The following TANC2 variants were observed in gnomAD, a reference collection of about 807,000 sequenced individuals.
TANC2 encodes protein TANC2.
A neutral mutation model predicts 210.5 loss-of-function variants in TANC2; 26 were observed. That is an observed-to-expected ratio of 0.12 (90% confidence interval 0.09 to 0.17). The LOEUF is 0.17. TANC2 is among the 10% of genes least tolerant of loss of function. The pLI, the probability that TANC2 is intolerant of heterozygous loss-of-function variation, is 1.00. For synonymous variants in TANC2, 931 were observed against 967.1 expected (o/e 0.96, Z 0.69); for missense variants, 2,129 against 2,608.9 (o/e 0.82, Z 4.01).
intron 3 of TANC2, among the ~76,000 whole-genome samples, chr17:63,074,658 G>A (rs1239232162): frequency 2.0e-5 from 3 of 152,050 alleles, no homozygotes; most frequent in Non-Finnish European, 4.4e-5. Context: ...TTCAAAACTA[G>A]AATGGATGTT....
intron 8 of TANC2, among the ~76,000 whole-genome samples, chr17:63,245,827 G>C (rs2042901299): frequency 6.7e-6 from 1 of 148,628 alleles, no homozygotes; most frequent in Non-Finnish European, 1.5e-5. Context: ...TGGGCAACAA[G>C]GCGGGACTCC....
At chr17:63,331,437 G>A (rs1179091003) in intron 11 of TANC2, among the ~76,000 whole-genome samples, 1 of 152,278 alleles carries the variant, frequency 6.6e-6, no homozygotes, top group African/African-American at 2.4e-5. Context: ...GTATGTTATT[G>A]TGCCCACGAA....
intron 2 of TANC2, among the ~76,000 whole-genome samples, chr17:63,046,454 C>T (rs2035388879): frequency 6.6e-6 from 1 of 150,964 alleles, no homozygotes; most frequent in Non-Finnish European, 1.5e-5. Flanking sequence ...GCTGCAGCCT[C>T]CCGAGTAGCT....
At chr17:63,247,160 G>T (rs889630202) in intron 8 of TANC2, among the ~76,000 whole-genome samples, 2 of 151,970 alleles carry the variant, frequency 1.3e-5, no homozygotes, top group African/African-American at 4.8e-5. Context: ...CGAACTTGTT[G>T]TATATTCTGG....
chr17:63,103,545 C>T (rs1171538663), intron 4 of TANC2, among the ~76,000 whole-genome samples: 1 of 152,166 alleles, frequency 6.6e-6, no homozygotes, highest in Non-Finnish European at 1.5e-5. Flanking sequence ...CGACTGTTTG[C>T]TTCTGTTTCT....
chr17:63,387,687 A>C (rs1355127383), intron 15 of TANC2, among the ~76,000 whole-genome samples: 2 of 152,198 alleles, frequency 1.3e-5, no homozygotes, highest in East Asian at 3.8e-4. Flanking sequence ...TATTGACAGA[A>C]GAGTAAGATG....
chr17:63,277,820 A>T (rs992582107), intron 9 of TANC2, among the ~76,000 whole-genome samples: 2 of 152,184 alleles, frequency 1.3e-5, no homozygotes, highest in East Asian at 1.9e-4. Flanking sequence ...CAAAGACTAA[A>T]ATTATTTCTA....
rs919873839 is a variant in TANC2 at position 63,078,327 on chromosome 17, T to C, written c.139+4313T>C. On this transcript the variant is annotated intron_variant, in intron 3 of 27. Coordinates refer to ENST00000689528, the Ensembl canonical transcript of TANC2. ...TTCTTTCTCACTGTCCTGATCATTTTGGACAAAGATTTGTCAGTTTTATAC... is the reference window on the plus strand; with the variant it reads ...TTCTTTCTCACTGTCCTGATCATTTCGGACAAAGATTTGTCAGTTTTATAC... Among the ~76,000 whole-genome samples the C allele has an allele frequency of 3.3e-5, 5 of 152,176 alleles. No individual in the cohort carries two copies. In the South Asian group the frequency reaches 1.0e-3, roughly 31 times the overall value.
chr17:63,003,218 G>A (rs1471903614), intron 1 of TANC2, among the ~76,000 whole-genome samples: 1 of 152,114 alleles, frequency 6.6e-6, no homozygotes, highest in Non-Finnish European at 1.5e-5. Flanking sequence ...ATATAATGTT[G>A]AGCCCTTATA....
intron 1 of TANC2, among the ~76,000 whole-genome samples, chr17:62,973,577 T>C (rs761506067): frequency 6.6e-6 from 1 of 152,166 alleles, no homozygotes; most frequent in Non-Finnish European, 1.5e-5. Context: ...ATACACACCA[T>C]CTAAAATATT....
Position 63,060,086 on chromosome 17 carries a change from C to T in TANC2, c.68-13857C>T, listed in dbSNP as rs1418350692. 3.9e-5 allele frequency among the ~76,000 whole-genome samples: 6 copies of T among 152,312 alleles called. No individual in the cohort carries two copies. The East Asian group carries it at 1.2e-3, about 29-fold the overall frequency. On this transcript the variant is annotated intron_variant, in intron 2 of 27. Coordinates refer to ENST00000689528, the Ensembl canonical transcript of TANC2. ...GTACTACCTTCATAGCTCCTTTCTT[C>T]CACACTGAGAAATCTGGTTCGTAAG...
At chr17:63,298,142 T>C (rs1004144303) in intron 9 of TANC2, among the ~76,000 whole-genome samples, 2 of 152,194 alleles carry the variant, frequency 1.3e-5, no homozygotes, top group Non-Finnish European at 2.9e-5. Flanking sequence ...GAAAACAGTT[T>C]AGTGGTTCCT....
intron 5 of TANC2, among the ~76,000 whole-genome samples, chr17:63,189,278 G>C (rs2041106975): frequency 2.0e-5 from 3 of 152,126 alleles, no homozygotes; most frequent in Admixed American, 2.0e-4. Context: ...TTGGGTATAT[G>C]CCTAGGAGTA....
intron 3 of TANC2, among the ~76,000 whole-genome samples, chr17:63,087,649 T>G (rs1416122881): frequency 6.6e-6 from 1 of 152,174 alleles, no homozygotes; most frequent in African/African-American, 2.4e-5. Context: ...CAATACTGAC[T>G]GAGAGTCTCA....
chr17:62,996,146 T>C (rs1019994508), intron 1 of TANC2, among the ~76,000 whole-genome samples: 2 of 152,222 alleles, frequency 1.3e-5, no homozygotes, highest in African/African-American at 4.8e-5. Context: ...AACAGAGTTT[T>C]TACGTTTTCC....
intron 5 of TANC2, among the ~76,000 whole-genome samples, chr17:63,188,451 GGCATGGTGGTGGGC>G (rs1279680951): frequency 1.3e-5 from 2 of 151,950 alleles, no homozygotes; most frequent in African/African-American, 4.8e-5. Flanking sequence ...AAATTAGCTG[GGCATGGTGGTGGGC>G]GCCTGTAGTC....
intron 8 of TANC2, among the ~76,000 whole-genome samples, chr17:63,260,194 G>C (rs2447443): frequency 0.59 from 90,235 of 152,120 alleles, 29,063 homozygotes; most frequent in African/African-American, 0.84. Flanking sequence ...ATGGGCTGCT[G>C]TACTGCCAGT....
intron 5 of TANC2, among the ~76,000 whole-genome samples, chr17:63,176,541 T>C (rs1035225533): frequency 1.6e-4 from 25 of 152,114 alleles, no homozygotes; most frequent in East Asian, 1.9e-4. Context: ...TGCGGTGGCT[T>C]ACGCCTGTAA....
intron 1 of TANC2, among the ~76,000 whole-genome samples, chr17:62,992,516 A>G (rs991664879): frequency 1.3e-5 from 2 of 152,244 alleles, no homozygotes; most frequent in Admixed American, 6.5e-5. Context: ...GTTAAATGAT[A>G]TGGAATAACT....
Sources: allele counts gnomAD v4.1 joint callset (sites outside exome capture counted in the v4.1 genomes callset), GRCh38; gene constraint gnomAD v4.1.1; transcripts MANE v1.5; gene names NCBI Gene and HGNC (gene_info 2026-07-23, HGNC 2026-07-21).